Variants in PGM2L1 observed in about 807,000 individuals in gnomAD.
PGM2L1 encodes phosphoglucomutase 2 like 1, also known as glucose 1,6-bisphosphate synthase.
In PGM2L1, 35 loss-of-function variants were observed where a neutral mutation model predicts 73.4. The observed-to-expected ratio is 0.48, with a 90% CI of 0.36 to 0.63. The LOEUF (loss-of-function observed/expected upper bound fraction) is 0.63, where lower values mean the gene tolerates loss of function less well. PGM2L1 is among the 30% of genes least tolerant of loss of function. The pLI, the probability that PGM2L1 is intolerant of heterozygous loss-of-function variation, is 0.00. For missense variants in PGM2L1, 570 were observed against 742.0 expected (o/e 0.77, Z 2.69); for synonymous variants, 225 against 253.8 (o/e 0.89, Z 1.08).
chr11:74,382,947 C>T (rs10898983), intron 1 of PGM2L1, among the ~76,000 whole-genome samples: 89,437 of 152,078 alleles, frequency 0.59, 28,332 homozygotes, highest in East Asian at 0.82. Flanking sequence ...TCTTTAAAAA[C>T]ACAATCTGCT....
intron 11 of PGM2L1, 84 bp from the exon 12 acceptor site, chr11:74,342,734 G>A: frequency 2.2e-6 from 3 of 1,373,346 alleles, no homozygotes; most frequent in Non-Finnish European, 2.9e-6. Flanking sequence ...GCCTACTATG[G>A]TATTTTATAC....
At position 74,342,604 on chromosome 11, in the gene PGM2L1, G is replaced by T; in HGVS notation, c.1489C>A (p.Pro497Thr). The part of the protein sequence containing the change: ...SKTSYFLCYE[P>T]PTIKSIFERL... ...TCAAATATACTTTTGATGGTAGGTG[G>T]TTCATAACACAAGAAATAGGAAGTT... is the stretch of plus-strand genomic sequence containing the variant. Residue 497 changes from proline (P) to threonine (T), a missense_variant, in exon 12 of 14, where the codon CCA becomes ACA. Physicochemically the swap from Pro to Thr is conservative, Grantham distance 38. Coordinates refer to ENST00000298198, the MANE Select transcript of PGM2L1 (RefSeq NM_173582.6). 6.3e-7 allele frequency: 1 copy of T among 1,599,350 alleles called. No individual in the cohort carries two copies. The highest frequency in any genetic ancestry group is 2.2e-5 in the East Asian group (1 of 44,774).
In PGM2L1 at chr11:74,369,212, G is replaced by A. The variant is rs114086163; in HGVS notation, c.472-637C>T. Among the ~76,000 whole-genome samples the A allele has an allele frequency of 4.5e-3, 681 of 152,146 alleles. 6 individuals are homozygous for A. The highest frequency in any genetic ancestry group is 0.016 in the African/African-American group (653 of 41,498). ...GGTCACTGAGCATCTGTTACTTAGCGCTCACACAAACTGCAAAACATGTGG... is the reference window on the plus strand; with the variant it reads ...GGTCACTGAGCATCTGTTACTTAGCACTCACACAAACTGCAAAACATGTGG... On this transcript the variant is annotated intron_variant, in intron 4 of 13. Coordinates refer to ENST00000298198, the MANE Select transcript of PGM2L1 (RefSeq NM_173582.6).
Position 74,347,436 on chromosome 11 carries a change from T to A in PGM2L1, c.750-99A>T, listed in dbSNP as rs1367278431. On this transcript the variant is annotated intron_variant, in intron 6 of 13. Transcript: ENST00000298198. ...TCTGATTTGAAAATGTGATTAAATG[T>A]GATTTAAGCCTTCAGCAGAGGTCTA... The A allele has an allele frequency of 1.1e-5, 11 of 1,034,664 alleles. No individual in the cohort carries two copies. The African/African-American group carries it at 1.8e-4, about 17-fold the overall frequency. The allele number at this position is 1,034,664 out of a possible 1,614,324, so 64.1% of individuals were successfully genotyped here.
chr11:74,391,187 T>C (rs184669986), intron 1 of PGM2L1, among the ~76,000 whole-genome samples: 34 of 151,926 alleles, frequency 2.2e-4, no homozygotes, highest in Admixed American at 5.9e-4. Context: ...TTTCTTCCTG[T>C]TTTCCTCCTC....
At chr11:74,376,944 A>T (rs1412050302) in intron 1 of PGM2L1, among the ~76,000 whole-genome samples, 1 of 152,210 alleles carries the variant, frequency 6.6e-6, no homozygotes, top group Non-Finnish European at 1.5e-5. Flanking sequence ...ACATTAATTT[A>T]GATGTTGATG....
At chr11:74,397,656 G>GA (rs1212176831) in intron 1 of PGM2L1, 3 of 158,568 alleles carry the variant, frequency 1.9e-5, no homozygotes, top group African/African-American at 7.2e-5. Context: ...AAGGGTGCCA[G>GA]AAACCACTTT....
chr11:74,369,899 A>G lies in PGM2L1; in HGVS notation c.471+1003T>C, dbSNP rs557702555. Among the ~76,000 whole-genome samples the G allele has an allele frequency of 1.9e-3, 287 of 152,052 alleles. 2 individuals carry two copies. Among genetic ancestry groups the G allele is most frequent in the African/African-American group, 6.5e-3 (270 of 41,480 alleles). On this transcript the variant is annotated intron_variant, in intron 4 of 13. Coordinates refer to ENST00000298198, the MANE Select transcript of PGM2L1 (RefSeq NM_173582.6). ...GTAGCTGGGATTACAGGCGTGCACC[A>G]CCACACCTGGCTAATTTTTGTATTT... is the stretch of plus-strand genomic sequence containing the variant.
rs1862587775 is a variant in PGM2L1, at chr11:74,362,849, G to C, written c.555+5643C>G. On this transcript the variant is annotated intron_variant, in intron 5 of 13. Transcript: ENST00000298198. ...ATCAACGAGACAGAAAGTTAACAAG[G>C]ATAGCCAGGAATTGAACTCAGCTCT... Among the ~76,000 whole-genome samples, 3 of 152,236 alleles carry C rather than the reference G, an allele frequency of 2.0e-5. No individual in the cohort carries two copies. In the South Asian group the frequency reaches 6.2e-4, roughly 32 times the overall value.
chr11:74,376,494 ATAG>A (rs1862855467), intron 1 of PGM2L1, among the ~76,000 whole-genome samples: 1 of 150,968 alleles, frequency 6.6e-6, no homozygotes, highest in African/African-American at 2.4e-5. Context: ...TAATGTGTAT[ATAG>A]TATATATGTG....
Position 74,398,328 on chromosome 11 carries a change from C to T in PGM2L1, c.-167G>A. The T allele has an allele frequency of 9.0e-7, 1 of 1,116,090 alleles. No individual in the cohort carries two copies. The highest frequency in any genetic ancestry group is 1.2e-6 in the Non-Finnish European group (1 of 843,886). The allele number at this position is 1,116,090 out of a possible 1,614,324, so 69.1% of individuals were successfully genotyped here. On this transcript the variant is annotated 5_prime_UTR_variant, in exon 1 of 14. Transcript: ENST00000298198. ...AGCTCCTGCCGCGGCGTCAGGGAAC[C>T]GGGAGAGAGGGGGTTTATGGCCGCC...
In PGM2L1 at chr11:74,355,503, G is replaced by A. The variant is rs563586601; in HGVS notation, c.556-3927C>T. The A allele has an allele frequency of 5.5e-4, 181 of 331,758 alleles. 1 individual carries two copies. The highest frequency in any genetic ancestry group is 3.7e-3 in the African/African-American group (157 of 42,882). The allele number at this position is 331,758 out of a possible 1,614,324, so 20.6% of individuals were successfully genotyped here. A position where few individuals can be genotyped will look rare whatever the true frequency, so the allele number is the denominator to read the frequency against. On this transcript the variant is annotated intron_variant, in intron 5 of 13. Transcript: ENST00000298198. ...CGGGAGGCGGAGCTTGCAGTGAGCC[G>A]AGATCGCGCCACTGCACTCCAGCCT...
intron 5 of PGM2L1, among the ~76,000 whole-genome samples, chr11:74,366,833 A>T (rs1375395218): frequency 6.6e-6 from 1 of 152,126 alleles, no homozygotes; most frequent in Non-Finnish European, 1.5e-5. Context: ...GTTGGGTTTT[A>T]TCAAAAGAAT....
At chr11:74,340,246 G>C (rs1460798115) in intron 12 of PGM2L1, among the ~76,000 whole-genome samples, 1 of 152,132 alleles carries the variant, frequency 6.6e-6, no homozygotes, top group Non-Finnish European at 1.5e-5. Flanking sequence ...AACCAGAAGA[G>C]AATAGATGAA....
chr11:74,398,257 C>T lies in PGM2L1; in HGVS notation c.-96G>A. 1 of 1,460,210 alleles carries T rather than the reference C, an allele frequency of 6.8e-7. No homozygotes were observed. The highest frequency in any genetic ancestry group is 9.1e-7 in the Non-Finnish European group (1 of 1,104,136). The allele number at this position is 1,460,210 out of a possible 1,614,324, so 90.5% of individuals were successfully genotyped here. ...TCGCTCACCAGGGTCCAGGCGTCCC[C>T]ACCTCACTGAAGGGCATCGGAGACC... is the stretch of plus-strand genomic sequence containing the variant. On this transcript the variant is annotated 5_prime_UTR_variant, in exon 1 of 14. Coordinates refer to ENST00000298198, the MANE Select transcript of PGM2L1 (RefSeq NM_173582.6).
At chr11:74,381,112 C>G (rs1447645413) in intron 1 of PGM2L1, among the ~76,000 whole-genome samples, 1 of 152,150 alleles carries the variant, frequency 6.6e-6, no homozygotes, top group East Asian at 1.9e-4. Context: ...ACTAAGTATA[C>G]TAAGTTCAAG....
chr11:74,368,388 A>G (rs1482480405), intron 5 of PGM2L1, 104 bp downstream of exon 5: 1 of 943,442 alleles, frequency 1.1e-6, no homozygotes, highest in African/African-American at 1.7e-5. Context: ...TCTGTTCCCA[A>G]TGTCTAGCTC....
Position 74,345,370 on chromosome 11 carries a change from T to C in PGM2L1, c.1218+99A>G. 3.6e-6 allele frequency: 4 copies of C among 1,123,110 alleles called. No individual in the cohort carries two copies. The South Asian group carries it at 6.4e-5, about 18-fold the overall frequency. 69.6% of individuals were successfully genotyped at this position (1,123,110 alleles called of 1,614,324 possible). A position where few individuals can be genotyped will look rare whatever the true frequency, so the allele number is the denominator to read the frequency against. On this transcript the variant is annotated intron_variant, in intron 9 of 13. Transcript: ENST00000298198. Reference sequence around the variant, plus strand: ...AACAGAATTAGAAAAATAAGGGAATTACAAATGAAATCAATGAAAGTCAGT... The same window carrying C: ...AACAGAATTAGAAAAATAAGGGAATCACAAATGAAATCAATGAAAGTCAGT...
chr11:74,364,898 C>A (rs1398418272), intron 5 of PGM2L1, among the ~76,000 whole-genome samples: 1 of 152,084 alleles, frequency 6.6e-6, no homozygotes, highest in Non-Finnish European at 1.5e-5. Flanking sequence ...AAAGAGCCTG[C>A]ATTGCCAAGT....
Sources: allele counts gnomAD v4.1 joint callset (sites outside exome capture counted in the v4.1 genomes callset), GRCh38; gene constraint gnomAD v4.1.1; transcripts MANE v1.5; gene names NCBI Gene and HGNC (gene_info 2026-07-23, HGNC 2026-07-21).